PDE1A: variants seen among roughly 807,000 people sequenced by gnomAD.
PDE1A encodes dual specificity calcium/calmodulin-dependent 3',5'-cyclic nucleotide phosphodiesterase 1A.
Under a neutral mutation model 61.7 loss-of-function variants are expected in PDE1A, and 35 were observed. The observed-to-expected ratio is 0.57, with a 90% confidence interval of 0.43 to 0.75. The LOEUF (loss-of-function observed/expected upper bound fraction) is 0.75, where lower values mean the gene tolerates loss of function less well. Among genes scored for constraint, PDE1A ranks in the 30% least tolerant of loss-of-function variants. The probability of loss-of-function intolerance (pLI) is 0.00; values close to 1 mark genes in which losing one functional copy is unlikely to be tolerated. For missense variants in PDE1A, 597 were observed against 630.6 expected (o/e 0.95, Z 0.57); for synonymous variants, 232 against 213.2 (o/e 1.09, Z -0.77).
At chr2:182,423,527 G>A (rs1367202) in intron 1 of PDE1A, among the ~76,000 whole-genome samples, 101,033 of 152,014 alleles carry the variant, frequency 0.66, 33,890 homozygotes, top group East Asian at 0.92. Flanking sequence ...GGATGACTGT[G>A]CTGATGAAAA....
intron 1 of PDE1A, chr2:182,522,624 A>G (rs1410407402): frequency 1.6e-6 from 2 of 1,274,996 alleles, no homozygotes; most frequent in Non-Finnish European, 2.0e-6. Flanking sequence ...TGACCTCACA[A>G]GAACAATCCG....
chr2:182,702,673 G>T, the PDE1A span, among the ~76,000 whole-genome samples: 1 of 152,100 alleles, frequency 6.6e-6, no homozygotes, highest in African/African-American at 2.4e-5. Context: ...AAAGAATATT[G>T]AATCAGAGCA....
At chr2:182,262,566 G>T (rs1284953571) in intron 2 of PDE1A, among the ~76,000 whole-genome samples, 3 of 152,116 alleles carry the variant, frequency 2.0e-5, no homozygotes, top group African/African-American at 7.2e-5. Flanking sequence ...ACTGTGCCCA[G>T]CCTGTTTCCT....
rs772600912 is a variant in PDE1A, at chr2:182,246,394, C to CTTTTT, written c.168-6107_168-6103dup. Among the ~76,000 whole-genome samples the CTTTTT allele has an allele frequency of 1.9e-5, 2 of 105,366 alleles. 1 individual carries two copies. The highest frequency in any genetic ancestry group is 7.1e-5 in the African/African-American group (2 of 28,146). The allele number at this position is 105,366 out of a possible 152,430, so 69.1% of individuals were successfully genotyped here. On this transcript the variant is annotated intron_variant, in intron 2 of 13. Transcript: ENST00000351439. ...TTTTTATTCTACTATAGTCTTTTTT[C>CTTTTT]TTTTTTCTTTCTTTTTTTTTTTTTT...
intron 2 of PDE1A, among the ~76,000 whole-genome samples, chr2:182,475,136 G>A (rs2125822287): frequency 6.6e-6 from 1 of 151,950 alleles, no homozygotes; most frequent in Middle Eastern, 3.4e-3. Flanking sequence ...ACACTTTCAG[G>A]AGCCAAGTAA....
chr2:182,170,437 A>C lies in PDE1A; in HGVS notation c.1517-2147T>G, dbSNP rs188881872. 3.5e-4 allele frequency among the ~76,000 whole-genome samples: 53 copies of C among 151,818 alleles called. No homozygotes were observed. The East Asian group carries it at 8.9e-3, about 25-fold the overall frequency. ...GTAAGCTCATTGGATAAATTGTGCT[A>C]AGATTAAACAGAAGTAGATTTGATG... On this transcript the variant is annotated intron_variant, in intron 13 of 13. Coordinates refer to ENST00000351439, the Ensembl canonical transcript of PDE1A.
At chr2:182,581,800 C>A in the PDE1A span, among the ~76,000 whole-genome samples, 1 of 152,128 alleles carries the variant, frequency 6.6e-6, no homozygotes, top group Non-Finnish European at 1.5e-5. Context: ...GAGACTCAAC[C>A]AGAACGTGAG....
In PDE1A at chr2:182,373,287, G is replaced by A. The variant is rs938779681; in HGVS notation, c.53+53291C>T. ...TGGGCTGCATGTGGTACTGTCAGGA[G>A]AACAACTTTCAACTTCAATAAAATG... On this transcript the variant is annotated intron_variant, in intron 1 of 13. Coordinates refer to ENST00000351439, the Ensembl canonical transcript of PDE1A. Among the ~76,000 whole-genome samples the A allele has an allele frequency of 2.0e-5, 3 of 152,282 alleles. No individual in the cohort carries two copies. In the East Asian group the frequency reaches 5.8e-4, roughly 29 times the overall value.
At chr2:182,326,121 A>ATT (rs35372886) in intron 1 of PDE1A, among the ~76,000 whole-genome samples, 5 of 151,980 alleles carry the variant, frequency 3.3e-5, no homozygotes, top group African/African-American at 4.8e-5. Context: ...GTATATATAT[A>ATT]TTTTTTAAAA....
At chr2:182,196,109 G>A (rs1190304344) in intron 10 of PDE1A, among the ~76,000 whole-genome samples, 3 of 151,986 alleles carry the variant, frequency 2.0e-5, no homozygotes, top group African/African-American at 7.2e-5. Context: ...GTTTCACAAA[G>A]AAAAACTTGT....
At chr2:182,441,837 AAAT>A (rs1449296397) in intron 2 of PDE1A, among the ~76,000 whole-genome samples, 1 of 152,102 alleles carries the variant, frequency 6.6e-6, no homozygotes, top group Non-Finnish European at 1.5e-5. Context: ...GCATCAAAAT[AAAT>A]AATGATAGCA....
At chr2:182,525,570 G>C (rs757897402), upstream of PDE1A, among the ~76,000 whole-genome samples, 16 of 152,102 alleles carry the variant, frequency 1.1e-4, no homozygotes, top group Non-Finnish European at 1.9e-4. Flanking sequence ...TCCTGCTGTG[G>C]TCATGTAAGA....
At chr2:182,289,287 T>A (rs1163604925) in intron 1 of PDE1A, among the ~76,000 whole-genome samples, 1 of 152,120 alleles carries the variant, frequency 6.6e-6, no homozygotes, top group Non-Finnish European at 1.5e-5. Context: ...AGCTAAAGTT[T>A]TGTTTATTTA....
intron 1 of PDE1A, among the ~76,000 whole-genome samples, chr2:182,389,533 A>G (rs796102513): frequency 1.1e-4 from 16 of 152,350 alleles, no homozygotes; most frequent in African/African-American, 3.6e-4. Flanking sequence ...GCAAATTAAA[A>G]CCAAATAACA....
At chr2:182,524,836 GT>G (rs1267486991), upstream of PDE1A, among the ~76,000 whole-genome samples, 1 of 151,782 alleles carries the variant, frequency 6.6e-6, no homozygotes, top group Non-Finnish European at 1.5e-5. Flanking sequence ...ATTTCTCATA[GT>G]TTCCATTTAT....
intron 1 of PDE1A, among the ~76,000 whole-genome samples, chr2:182,336,210 C>T (rs1697798895): frequency 1.3e-5 from 2 of 152,072 alleles, no homozygotes; most frequent in Admixed American, 1.3e-4. Context: ...GACAGTATGG[C>T]GATTCCTCAA....
chr2:182,585,085 C>T, the PDE1A span, among the ~76,000 whole-genome samples: 1 of 152,146 alleles, frequency 6.6e-6, no homozygotes, highest in Non-Finnish European at 1.5e-5. Context: ...GTTTTAACTT[C>T]AGTAGGAGAA....
chr2:182,548,404 A>G, the PDE1A span, among the ~76,000 whole-genome samples: 2 of 152,194 alleles, frequency 1.3e-5, no homozygotes, highest in Non-Finnish European at 2.9e-5. Context: ...AACGCACAGG[A>G]TACGACCAAG....
chr2:182,542,288 A>G, the PDE1A span, among the ~76,000 whole-genome samples: 1 of 152,150 alleles, frequency 6.6e-6, no homozygotes, highest in African/African-American at 2.4e-5. Context: ...CAATTTCACA[A>G]AAAGATGTAT....
Sources: gnomAD v4.1 joint callset for allele counts (sites outside exome capture counted in the v4.1 genomes callset) on GRCh38, gnomAD v4.1.1 for gene constraint, MANE v1.5 for transcripts, NCBI Gene and HGNC (gene_info 2026-07-23, HGNC 2026-07-21) for gene names.